Variants in ALG8 observed in about 807,000 individuals in gnomAD.
ALG8 encodes dolichyl pyrophosphate Glc1Man9GlcNAc2 alpha-1,3-glucosyltransferase.
ALG8 carries 48 observed loss-of-function variants against 70.2 expected under a neutral mutation model. The observed-to-expected ratio is 0.68, with a 90% CI of 0.54 to 0.87. ALG8 has a LOEUF of 0.87. Among genes scored for constraint, ALG8 ranks in the 40% least tolerant of loss-of-function variants. The pLI, the probability that ALG8 is intolerant of heterozygous loss-of-function variation, is 0.00. For missense variants in ALG8, 572 were observed against 608.7 expected (o/e 0.94, Z 0.64); for synonymous variants, 234 against 229.0 (o/e 1.02, Z -0.20).
At chr11:78,121,284 A>G in intron 3 of ALG8, 110 bp from the exon 4 acceptor site, 2 of 742,384 alleles carry the variant, frequency 2.7e-6, no homozygotes, top group East Asian at 2.7e-5. Flanking sequence ...ACTACATGCC[A>G]TTCTTTTTTT....
chr11:78,139,179 C>T (rs954237198), intron 1 of ALG8: 1 of 416,802 alleles, frequency 2.4e-6, no homozygotes, highest in Non-Finnish European at 4.5e-6. Context: ...GTACCTGGCA[C>T]CTCAGGCATC....
intron 8 of ALG8, 40 bp from the exon 9 acceptor site, chr11:78,109,621 T>C: frequency 6.4e-7 from 1 of 1,555,174 alleles, no homozygotes; most frequent in Non-Finnish European, 8.9e-7. Context: ...TTTTTATCTT[T>C]ATTACTGAGA....
intron 9 of ALG8, among the ~76,000 whole-genome samples, chr11:78,108,211 T>C (rs1246598568): frequency 3.3e-5 from 5 of 151,480 alleles, no homozygotes; most frequent in Non-Finnish European, 7.4e-5. Flanking sequence ...ACCCAGGAGG[T>C]GGGGGTTGCA....
chr11:78,109,415 A>C, intron 9 of ALG8, 27 bp downstream of exon 9: 1 of 1,614,042 alleles, frequency 6.2e-7, no homozygotes. Context: ...AAACTCAAGA[A>C]ATGAGCACCA....
chr11:78,118,298 C>A (rs906651845), intron 5 of ALG8, among the ~76,000 whole-genome samples: 1 of 152,068 alleles, frequency 6.6e-6, no homozygotes, highest in African/African-American at 2.4e-5. Flanking sequence ...TTCATTTGTA[C>A]ATAAATTATC....
chr11:78,116,862 A>G (rs1446423673), intron 5 of ALG8, among the ~76,000 whole-genome samples: 1 of 152,204 alleles, frequency 6.6e-6, no homozygotes, highest in Non-Finnish European at 1.5e-5. Flanking sequence ...GGTGCGGTCT[A>G]GAATTGGTAG....
intron 4 of ALG8, among the ~76,000 whole-genome samples, chr11:78,119,858 T>C (rs1860743237): frequency 6.6e-6 from 1 of 152,158 alleles, no homozygotes; most frequent in Non-Finnish European, 1.5e-5. Flanking sequence ...TCCCAGCATT[T>C]TGGGAGGCTG....
intron 1 of ALG8, 37 bp from the exon 2 acceptor site, chr11:78,127,473 G>A: frequency 6.4e-7 from 1 of 1,561,542 alleles, no homozygotes; most frequent in Non-Finnish European, 8.8e-7. Context: ...ATGAGATTTT[G>A]CAATATTTAT....
At chr11:78,122,885 C>T (rs1202268110) in intron 3 of ALG8, among the ~76,000 whole-genome samples, 1 of 152,104 alleles carries the variant, frequency 6.6e-6, no homozygotes, top group Non-Finnish European at 1.5e-5. Context: ...TCCCAAGGGA[C>T]TCTTTACTGA....
intron 4 of ALG8, among the ~76,000 whole-genome samples, chr11:78,120,354 T>C (rs1357301115): frequency 6.6e-6 from 1 of 152,182 alleles, no homozygotes; most frequent in African/African-American, 2.4e-5. Context: ...CATGCAGCAT[T>C]GCATTGTTTA....
chr11:78,127,841 C>T (rs183876724), intron 1 of ALG8, among the ~76,000 whole-genome samples: 12 of 151,978 alleles, frequency 7.9e-5, no homozygotes, highest in African/African-American at 2.9e-4. Context: ...TCCCGAGCAG[C>T]TGAGACTACA....
At position 78,131,658 on chromosome 11, in the gene ALG8, G is replaced by A. The variant is rs1565363044; in HGVS notation, c.96-4222C>T. On this transcript the variant is annotated intron_variant, in intron 1 of 12. Transcript: ENST00000299626. ...TCTTTGTATTTTTTGTAGAGACGGG[G>A]TTTCATTATGTTGCCCAGGCTGGTC... Among the ~76,000 whole-genome samples, 3 of 151,952 alleles carry A rather than the reference G, an allele frequency of 2.0e-5. No individual in the cohort carries two copies. In the South Asian group the frequency reaches 6.3e-4, roughly 32 times the overall value.
intron 8 of ALG8, among the ~76,000 whole-genome samples, chr11:78,109,885 C>G (rs956250304): frequency 6.6e-6 from 1 of 152,212 alleles, no homozygotes; most frequent in Non-Finnish European, 1.5e-5. Context: ...CTAGAACAGT[C>G]TGAGCATGTC....
intron 1 of ALG8, among the ~76,000 whole-genome samples, chr11:78,138,519 T>A (rs2136956897): frequency 6.6e-6 from 1 of 152,262 alleles, no homozygotes; most frequent in East Asian, 1.9e-4. Flanking sequence ...AGTATGGACT[T>A]ACATTCTATA....
chr11:78,114,332 G>A lies in ALG8; in HGVS notation c.607C>T (p.Leu203Phe). 1.2e-6 allele frequency: 2 copies of A among 1,614,042 alleles called. No homozygotes were observed. The highest frequency in any genetic ancestry group is 1.7e-4 in the Middle Eastern group (1 of 6,060). ...AVLLHFKHIY[L>F]YVAPAYGVYL... is the part of the protein sequence containing the mutation. ...ACACCATAAGCTGGTGCTACATAGAGGTAGATATGCTTGAAATGTAGGAGA... is the reference window on the plus strand; with the variant it reads ...ACACCATAAGCTGGTGCTACATAGAAGTAGATATGCTTGAAATGTAGGAGA... The change falls in exon 6 of 13, where the codon CTC becomes TTC. Residue 203 changes from leucine (L) to phenylalanine (F), a missense_variant. Transcript: ENST00000299626.
chr11:78,127,126 C>T (rs993779708), intron 2 of ALG8, among the ~76,000 whole-genome samples: 1 of 151,842 alleles, frequency 6.6e-6, no homozygotes. Flanking sequence ...TTACAGGTGC[C>T]CACCACCACA....
chr11:78,121,573 A>G (rs1860827602), intron 3 of ALG8, among the ~76,000 whole-genome samples: 1 of 151,926 alleles, frequency 6.6e-6, no homozygotes, highest in Non-Finnish European at 1.5e-5. Flanking sequence ...AAAAAAAAGA[A>G]AAAATGGTAG....
intron 6 of ALG8, 102 bp downstream of exon 6, chr11:78,114,164 A>G: frequency 1.3e-6 from 2 of 1,500,436 alleles, no homozygotes; most frequent in Non-Finnish European, 9.2e-7. Context: ...AGCAGCTGAG[A>G]TATCTGCTGT....
At chr11:78,121,038 G>C in intron 4 of ALG8, 27 bp downstream of exon 4, 1 of 1,526,022 alleles carries the variant, frequency 6.6e-7, no homozygotes, top group Non-Finnish European at 9.1e-7. Flanking sequence ...ATTAGTAAGG[G>C]AATAGTACAT....
Sources: gnomAD v4.1 joint callset for allele counts (sites outside exome capture counted in the v4.1 genomes callset) on GRCh38, gnomAD v4.1.1 for gene constraint, MANE v1.5 for transcripts, NCBI Gene and HGNC (gene_info 2026-07-23, HGNC 2026-07-21) for gene names.